Variants in PPFIA2 observed in about 807,000 individuals in gnomAD.
The protein encoded by PPFIA2 is PPFI scaffold protein A2.
PPFIA2 carries 46 observed loss-of-function variants against 175.5 expected under a neutral mutation model. That is an observed-to-expected ratio of 0.26 (90% CI 0.21 to 0.34). The LOEUF (loss-of-function observed/expected upper bound fraction) is 0.34, where lower values mean the gene tolerates loss of function less well. Among genes scored for constraint, PPFIA2 ranks in the 10% least tolerant of loss-of-function variants. The pLI, the probability that PPFIA2 is intolerant of heterozygous loss-of-function variation, is 1.00. For synonymous variants in PPFIA2, 568 were observed against 511.4 expected, an observed-to-expected ratio of 1.11 and a Z score of -1.49; for missense variants, 1,179 against 1,506.1, an observed-to-expected ratio of 0.78 and a Z score of 3.60.
chr12:81,347,911 C>CTT, intron 17 of PPFIA2, 141 bp from the exon 18 acceptor site: 37 of 1,171,104 alleles, frequency 3.2e-5, no homozygotes, highest in Admixed American at 7.4e-5. Context: ...ATTTTTTCAT[C>CTT]TTTTTTTTTT....
At chr12:81,439,075 G>C (rs2049631864) in intron 7 of PPFIA2, among the ~76,000 whole-genome samples, 1 of 151,126 alleles carries the variant, frequency 6.6e-6, no homozygotes, top group Non-Finnish European at 1.5e-5. Flanking sequence ...AAACTTGTAG[G>C]AAAAATGCAG....
At chr12:81,456,298 T>C (rs190788676) in intron 5 of PPFIA2, among the ~76,000 whole-genome samples, 53 of 152,338 alleles carry the variant, frequency 3.5e-4, no homozygotes, top group African/African-American at 1.3e-3. Flanking sequence ...TAATATGATC[T>C]AAACTGCCCT....
chr12:81,421,840 G>A (rs1336929282), intron 7 of PPFIA2, among the ~76,000 whole-genome samples: 1 of 151,824 alleles, frequency 6.6e-6, no homozygotes, highest in Non-Finnish European at 1.5e-5. Context: ...CACACAGTTT[G>A]AAAATGAGGA....
chr12:81,592,838 C>A (rs2058825329), intron 4 of PPFIA2, among the ~76,000 whole-genome samples: 1 of 13,668 alleles, frequency 7.3e-5, no homozygotes, highest in African/African-American at 3.0e-4. Context: ...TCACTGCAAC[C>A]TCTGCATCCC....
intron 4 of PPFIA2, among the ~76,000 whole-genome samples, chr12:81,573,859 G>A (rs1315310925): frequency 4.0e-5 from 6 of 151,660 alleles, no homozygotes; most frequent in Non-Finnish European, 8.8e-5. Flanking sequence ...GTCCTACTGT[G>A]GTCAGTAGTT....
chr12:81,507,797 A>C (rs1419153912), intron 4 of PPFIA2, among the ~76,000 whole-genome samples: 2 of 152,196 alleles, frequency 1.3e-5, no homozygotes, highest in African/African-American at 4.8e-5. Context: ...TTCAAAACCC[A>C]AAGAGTAATC....
intron 4 of PPFIA2, among the ~76,000 whole-genome samples, chr12:81,519,500 T>C (rs779189255): frequency 6.6e-5 from 10 of 152,194 alleles, no homozygotes; most frequent in Non-Finnish European, 1.3e-4. Flanking sequence ...GAGACCCACA[T>C]TACATAAGCA....
intron 4 of PPFIA2, among the ~76,000 whole-genome samples, chr12:81,586,297 A>C (rs2075299543): frequency 6.6e-6 from 1 of 151,902 alleles, no homozygotes; most frequent in African/African-American, 2.4e-5. Flanking sequence ...TTCTATTTAA[A>C]GTTGCTGAGG....
chr12:81,726,468 G>A (rs2080090641), intron 3 of PPFIA2, among the ~76,000 whole-genome samples: 1 of 151,146 alleles, frequency 6.6e-6, no homozygotes, highest in African/African-American at 2.4e-5. Flanking sequence ...TTCTTTTAAA[G>A]TCACTGAAAC....
chr12:81,621,623 G>C (rs2062051074), intron 4 of PPFIA2, among the ~76,000 whole-genome samples: 1 of 152,148 alleles, frequency 6.6e-6, no homozygotes, highest in Admixed American at 6.5e-5. Flanking sequence ...GGTAATGTGA[G>C]GCATATCTGG....
chr12:81,642,769 T>TATATATTATATACATAC (rs1555549748), intron 4 of PPFIA2, among the ~76,000 whole-genome samples: 4,873 of 31,602 alleles, frequency 0.15, 2,052 homozygotes, highest in African/African-American at 0.43. Flanking sequence ...CATGTATATG[T>TATATATTATATACATAC]ATGTATGTAT....
At chr12:81,479,202 G>A (rs2057878034) in intron 4 of PPFIA2, among the ~76,000 whole-genome samples, 1 of 151,970 alleles carries the variant, frequency 6.6e-6, no homozygotes, top group African/African-American at 2.4e-5. Context: ...GATCTTTGTT[G>A]GTTTAAAGTC....
At chr12:81,621,384 T>C (rs980717834) in intron 4 of PPFIA2, among the ~76,000 whole-genome samples, 3 of 152,188 alleles carry the variant, frequency 2.0e-5, no homozygotes, top group Non-Finnish European at 4.4e-5. Context: ...ATGGCATTAA[T>C]TGGACATTGA....
chr12:81,384,110 T>C lies in PPFIA2; in HGVS notation c.897A>G (p.Gly299=). The change falls in exon 9 of 33, where the codon GGA becomes GGG. Residue 299 remains glycine (G), a synonymous_variant. Transcript: ENST00000549396. ...ERLAALSSRV[G]EVEQEAETAR... is the part of the protein sequence containing the mutation. ...CTGTCTCTGCTTCCTGTTCCACCTCTCCCACTCGGGAAGAAAGGGCTGCTA... is the reference window on the plus strand; with the variant it reads ...CTGTCTCTGCTTCCTGTTCCACCTCCCCCACTCGGGAAGAAAGGGCTGCTA... The C allele has an allele frequency of 6.2e-7, 1 of 1,613,326 alleles. No homozygotes were observed. Among genetic ancestry groups the C allele is most frequent in the Non-Finnish European group, 8.5e-7 (1 of 1,179,572 alleles).
chr12:81,484,269 A>G (rs1306082889), intron 4 of PPFIA2, among the ~76,000 whole-genome samples: 1 of 152,002 alleles, frequency 6.6e-6, no homozygotes, highest in East Asian at 1.9e-4. Context: ...GTCTGGCACT[A>G]TGCTAGACAC....
At chr12:81,503,316 C>T (rs1342236759) in intron 4 of PPFIA2, among the ~76,000 whole-genome samples, 4 of 151,914 alleles carry the variant, frequency 2.6e-5, no homozygotes, top group Non-Finnish European at 5.9e-5. Flanking sequence ...CAGATCTGCT[C>T]ATCCACGCTG....
rs536223434 is a variant in PPFIA2, at chr12:81,335,955, T to A, written c.2548+3225A>T. ...TCCTGAATAGTACTTACAAATGGAA[T>A]TTGAATTCTTTACATGGAAGAACAA... On this transcript the variant is annotated intron_variant, in intron 21 of 32. Transcript: ENST00000549396. Among the ~76,000 whole-genome samples, 201 of 152,310 alleles carry A rather than the reference T, an allele frequency of 1.3e-3. 2 individuals carry two copies. The South Asian group carries it at 0.022, about 17-fold the overall frequency.
intron 19 of PPFIA2, 111 bp downstream of exon 19, chr12:81,344,553 C>T: frequency 1.4e-6 from 1 of 723,442 alleles, no homozygotes; most frequent in Non-Finnish European, 2.2e-6. Flanking sequence ...TTTAAATACT[C>T]TCAACTTTTT....
At chr12:81,577,977 G>A (rs1247132343) in intron 4 of PPFIA2, among the ~76,000 whole-genome samples, 2 of 151,700 alleles carry the variant, frequency 1.3e-5, no homozygotes, top group Admixed American at 6.6e-5. Context: ...AGCTTGAGAA[G>A]TGTCATCTGG....
Sources: gnomAD v4.1 joint callset for allele counts (sites outside exome capture counted in the v4.1 genomes callset) on GRCh38, gnomAD v4.1.1 for gene constraint, MANE v1.5 for transcripts, NCBI Gene and HGNC (gene_info 2026-07-23, HGNC 2026-07-21) for gene names.